Variants in PCDHA12 observed in about 807,000 individuals in gnomAD.
PCDHA12 encodes the protein protocadherin alpha-12.
In PCDHA12, 44 loss-of-function variants were observed where a neutral mutation model predicts 60.0. The ratio of observed to expected loss-of-function variants is 0.73; its 90% CI spans 0.58 to 0.94. The LOEUF is 0.94. Ranked by LOEUF, PCDHA12 falls within the 40% of genes least tolerant of loss-of-function variation. The probability of loss-of-function intolerance (pLI) is 0.00; values close to 1 mark genes in which losing one functional copy is unlikely to be tolerated. For synonymous variants in PCDHA12, 569 were observed against 553.0 expected (o/e 1.03, Z -0.40); for missense variants, 1,276 against 1,239.7 (o/e 1.03, Z -0.44).
chr5:141,000,618 G>A (rs1354281260), intron 3 of PCDHA12, among the ~76,000 whole-genome samples: 1 of 150,858 alleles, frequency 6.6e-6, no homozygotes, highest in Non-Finnish European at 1.5e-5. Flanking sequence ...AGTAGAGACA[G>A]GGTTTCACCA....
chr5:141,006,350 T>G (rs1254086807), intron 3 of PCDHA12, among the ~76,000 whole-genome samples: 2 of 152,086 alleles, frequency 1.3e-5, no homozygotes, highest in Non-Finnish European at 2.9e-5. Flanking sequence ...TAGCTGGGAC[T>G]ATAGGCGCCC....
intron 1 of PCDHA12, among the ~76,000 whole-genome samples, chr5:140,937,823 A>T (rs2091776135): frequency 6.6e-6 from 1 of 151,692 alleles, no homozygotes; most frequent in Admixed American, 6.6e-5. Context: ...GAGGCAGGAG[A>T]ATGGCATGAA....
chr5:140,898,147 C>T (rs2066556304), intron 1 of PCDHA12, among the ~76,000 whole-genome samples: 1 of 152,150 alleles, frequency 6.6e-6, no homozygotes, highest in African/African-American at 2.4e-5. Flanking sequence ...GTTGCCTGTT[C>T]ACGCTGATGG....
chr5:140,975,358 A>T (rs1212652611), intron 1 of PCDHA12, among the ~76,000 whole-genome samples: 1 of 152,258 alleles, frequency 6.6e-6, no homozygotes, highest in East Asian at 1.9e-4. Flanking sequence ...CAACTGTGCT[A>T]CATAGCATAA....
intron 3 of PCDHA12, among the ~76,000 whole-genome samples, chr5:141,003,410 C>T (rs1282162216): frequency 1.3e-5 from 2 of 152,110 alleles, no homozygotes; most frequent in Non-Finnish European, 2.9e-5. Flanking sequence ...CTCCCGGGTT[C>T]GAGTGATTCT....
chr5:140,881,259 C>T (rs1285019236), intron 1 of PCDHA12: 6 of 524,478 alleles, frequency 1.1e-5, no homozygotes, highest in Non-Finnish European at 9.8e-6. Flanking sequence ...AGGTTTTACT[C>T]AGTGATGATG....
intron 1 of PCDHA12, among the ~76,000 whole-genome samples, chr5:140,971,548 C>T (rs558563294): frequency 6.6e-6 from 1 of 152,246 alleles, no homozygotes; most frequent in African/African-American, 2.4e-5. Context: ...CCAGATCAAC[C>T]TGTTAAATTC....
At chr5:140,994,226 G>A (rs2097606248) in intron 3 of PCDHA12, among the ~76,000 whole-genome samples, 1 of 152,162 alleles carries the variant, frequency 6.6e-6, no homozygotes. Flanking sequence ...GTCTGTCTAT[G>A]TTATAATCAA....
chr5:140,884,314 G>A, intron 1 of PCDHA12: 1 of 1,613,760 alleles, frequency 6.2e-7, no homozygotes, highest in Non-Finnish European at 8.5e-7. Context: ...CGTCGAGGGC[G>A]TCGGCAGGCG....
At chr5:140,996,929 C>T (rs1437008519) in intron 3 of PCDHA12, among the ~76,000 whole-genome samples, 2 of 152,070 alleles carry the variant, frequency 1.3e-5, no homozygotes, top group African/African-American at 2.4e-5. Flanking sequence ...AAAAATATAG[C>T]ATTTTTGCAT....
intron 1 of PCDHA12, among the ~76,000 whole-genome samples, chr5:140,886,827 GAAAAAAAAAA>G (rs782016620): frequency 1.6e-5 from 1 of 60,890 alleles, no homozygotes; most frequent in East Asian, 5.7e-4. Flanking sequence ...ACTTCGTCTT[GAAAAAAAAAA>G]AAAAAAAAAA....
chr5:140,990,136 A>C (rs996616541), intron 3 of PCDHA12, among the ~76,000 whole-genome samples: 1 of 152,198 alleles, frequency 6.6e-6, no homozygotes, highest in African/African-American at 2.4e-5. Context: ...GTCAGACTCA[A>C]GAGGCATAAT....
At chr5:140,925,141 A>G (rs1287522151) in intron 1 of PCDHA12, among the ~76,000 whole-genome samples, 1 of 151,690 alleles carries the variant, frequency 6.6e-6, no homozygotes, top group Non-Finnish European at 1.5e-5. Context: ...TTTCAAACAT[A>G]CACAAAAGTT....
At chr5:140,889,218 G>T (rs1163027011) in intron 1 of PCDHA12, among the ~76,000 whole-genome samples, 1 of 151,574 alleles carries the variant, frequency 6.6e-6, no homozygotes, top group Non-Finnish European at 1.5e-5. Flanking sequence ...AAGAAGAATA[G>T]TCTTTGAAAA....
At chr5:140,960,515 A>G (rs1445432467) in intron 1 of PCDHA12, among the ~76,000 whole-genome samples, 1 of 152,182 alleles carries the variant, frequency 6.6e-6, no homozygotes, top group Non-Finnish European at 1.5e-5. Flanking sequence ...AGCAAACATA[A>G]TGGGTATAGG....
chr5:140,984,645 C>T (rs1354690786), intron 3 of PCDHA12, among the ~76,000 whole-genome samples: 1 of 152,164 alleles, frequency 6.6e-6, no homozygotes, highest in African/African-American at 2.4e-5. Flanking sequence ...TGCCTTCTCC[C>T]TGTCCTTCTG....
intron 1 of PCDHA12, among the ~76,000 whole-genome samples, chr5:140,944,214 G>T (rs72801002): frequency 0.015 from 2,290 of 152,232 alleles, 30 homozygotes; most frequent in Non-Finnish European, 0.021. Context: ...TTTAAAGAGG[G>T]TTTTACTCTG....
chr5:140,933,332 G>A (rs2089060279), intron 1 of PCDHA12, among the ~76,000 whole-genome samples: 1 of 151,968 alleles, frequency 6.6e-6, no homozygotes, highest in African/African-American at 2.4e-5. Context: ...CTGTGCTGTA[G>A]AGAAAGATAA....
chr5:141,002,973 G>A (rs1313247449), intron 3 of PCDHA12, among the ~76,000 whole-genome samples: 2 of 152,216 alleles, frequency 1.3e-5, no homozygotes, highest in African/African-American at 2.4e-5. Flanking sequence ...CCTGAAAATA[G>A]TATCCTTGGT....
Sources: allele counts gnomAD v4.1 joint callset (sites outside exome capture counted in the v4.1 genomes callset), GRCh38; gene constraint gnomAD v4.1.1; transcripts MANE v1.5; gene names NCBI Gene and HGNC (gene_info 2026-07-23, HGNC 2026-07-21).